GPR19: variants seen among roughly 807,000 people sequenced by gnomAD.
GPR19 encodes the protein probable G protein-coupled receptor 19.
Under a neutral mutation model 28.5 loss-of-function variants are expected in GPR19, and 14 were observed. That is an observed-to-expected ratio of 0.49 (90% confidence interval 0.32 to 0.77). The LOEUF is 0.77. Among genes scored for constraint, GPR19 ranks in the 30% least tolerant of loss-of-function variants. The pLI is 0.03. For synonymous variants in GPR19, 173 were observed against 184.1 expected, an observed-to-expected ratio of 0.94 and a Z score of 0.49; for missense variants, 409 against 504.1, an observed-to-expected ratio of 0.81 and a Z score of 1.81.
At chr12:12,698,398 C>G (rs562068043), upstream of GPR19, among the ~76,000 whole-genome samples, 1 of 152,276 alleles carries the variant, frequency 6.6e-6, no homozygotes, top group South Asian at 2.1e-4. Flanking sequence ...TGTGATTACT[C>G]TGATACTGTA....
upstream of GPR19, among the ~76,000 whole-genome samples, chr12:12,697,943 T>A (rs1946290369): frequency 6.6e-6 from 1 of 152,198 alleles, no homozygotes; most frequent in Non-Finnish European, 1.5e-5. Flanking sequence ...ACTGGCATTT[T>A]CATCATGAAG....
the GPR19 span, among the ~76,000 whole-genome samples, chr12:12,701,351 C>A: frequency 6.6e-6 from 1 of 152,094 alleles, no homozygotes; most frequent in African/African-American, 2.4e-5. Flanking sequence ...ATGAATGAAG[C>A]AATGTAATTT....
chr12:12,677,124 C>T (rs913131584), intron 3 of GPR19, among the ~76,000 whole-genome samples: 2 of 152,058 alleles, frequency 1.3e-5, no homozygotes, highest in East Asian at 3.8e-4. Context: ...ATCAACATTC[C>T]GGGTAAATTT....
chr12:12,661,970 C>A lies in GPR19; in HGVS notation c.479G>T (p.Cys160Phe). The A allele has an allele frequency of 6.2e-7, 1 of 1,613,782 alleles. No individual in the cohort carries two copies. The highest frequency in any genetic ancestry group is 8.5e-7 in the Non-Finnish European group (1 of 1,179,938). ...GACGATGGTGTAGAACCGGTCTATG[C>A]AGATGGAGAGGAGAACGTAGATCTG... Reference protein sequence around the residue: ...GVQIYVLLSICIDRFYTIVYP... With the variant: ...GVQIYVLLSIFIDRFYTIVYP... Residue 160 changes from cysteine to phenylalanine, a missense_variant, in exon 4 of 4, where the codon TGC becomes TTC. By Grantham distance (205) the Cys-to-Phe change is radical. Coordinates refer to ENST00000651487, the MANE Select transcript of GPR19 (RefSeq NM_006143.3). This position sits in a 1 kb window ranked among gnomAD's most constrained non-coding sequence, Gnocchi z 4.2.
At chr12:12,702,720 T>C in the GPR19 span, among the ~76,000 whole-genome samples, 6 of 152,230 alleles carry the variant, frequency 3.9e-5, no homozygotes, top group African/African-American at 1.4e-4. Flanking sequence ...CATAGTCACA[T>C]TTAAAGTCCT....
the GPR19 span, among the ~76,000 whole-genome samples, chr12:12,704,179 T>C: frequency 1.3e-5 from 2 of 152,212 alleles, no homozygotes; most frequent in Admixed American, 6.5e-5. Flanking sequence ...GTTGTAATAC[T>C]TAACTTGACT....
chr12:12,668,764 A>G (rs1945816814), intron 3 of GPR19, among the ~76,000 whole-genome samples: 1 of 152,132 alleles, frequency 6.6e-6, no homozygotes, highest in Non-Finnish European at 1.5e-5. Flanking sequence ...ACTAATGAGC[A>G]GTAAGATTAC....
chr12:12,713,546 T>A, the GPR19 span, among the ~76,000 whole-genome samples: 1 of 151,912 alleles, frequency 6.6e-6, no homozygotes, highest in African/African-American at 2.4e-5. Flanking sequence ...CTTTTTTGTG[T>A]GTGTGAGATG....
At chr12:12,713,486 T>C in the GPR19 span, among the ~76,000 whole-genome samples, 1 of 152,160 alleles carries the variant, frequency 6.6e-6, no homozygotes, top group African/African-American at 2.4e-5. Flanking sequence ...TTTCCCCAGA[T>C]AGCTGTATGG....
In GPR19 at chr12:12,660,948, T is replaced by C; in HGVS notation, c.*253A>G. 2 of 352,638 alleles carry C rather than the reference T, an allele frequency of 5.7e-6. No homozygotes were observed. Among genetic ancestry groups the C allele is most frequent in the Non-Finnish European group, 1.0e-5 (2 of 197,212 alleles). The allele number at this position is 352,638 out of a possible 1,614,324, so 21.8% of individuals were successfully genotyped here. On this transcript the variant is annotated 3_prime_UTR_variant, in exon 4 of 4. Transcript: ENST00000651487. ...AACAGTAAATAGTAAGAAAGCATTTTCTTTTTTATGCATGTAACTAATATA... is the reference window on the plus strand; with the variant it reads ...AACAGTAAATAGTAAGAAAGCATTTCCTTTTTTATGCATGTAACTAATATA...
At chr12:12,669,397 A>G (rs960149816) in intron 3 of GPR19, among the ~76,000 whole-genome samples, 1 of 152,240 alleles carries the variant, frequency 6.6e-6, no homozygotes, top group African/African-American at 2.4e-5. Flanking sequence ...GATCAATTGT[A>G]TTATCCCAAG....
chr12:12,694,591 G>A (rs965002635), intron 2 of GPR19, among the ~76,000 whole-genome samples: 1 of 152,092 alleles, frequency 6.6e-6, no homozygotes, highest in Admixed American at 6.5e-5. Context: ...TAGGTGGCAT[G>A]TACTTTACAC....
At chr12:12,705,487 T>G in the GPR19 span, among the ~76,000 whole-genome samples, 2 of 152,296 alleles carry the variant, frequency 1.3e-5, no homozygotes, top group African/African-American at 4.8e-5. Flanking sequence ...TATTTGCTAA[T>G]TCTCTTAGCA....
At chr12:12,686,903 T>A (rs1946105484) in intron 2 of GPR19, among the ~76,000 whole-genome samples, 1 of 152,250 alleles carries the variant, frequency 6.6e-6, no homozygotes, top group Non-Finnish European at 1.5e-5. Context: ...TAATGATATT[T>A]AAAATCATCT....
the GPR19 span, among the ~76,000 whole-genome samples, chr12:12,708,651 TTC>T: frequency 0.42 from 63,419 of 151,962 alleles, 13,450 homozygotes; most frequent in Non-Finnish European, 0.45. Context: ...GAACACTCAG[TTC>T]TCTATTTCAG....
At chr12:12,678,067 CTG>C (rs1945959141) in intron 3 of GPR19, among the ~76,000 whole-genome samples, 2 of 110,078 alleles carry the variant, frequency 1.8e-5, no homozygotes, top group African/African-American at 7.9e-5. Flanking sequence ...GAACGAGACT[CTG>C]TCTCAAAAAA....
the GPR19 span, among the ~76,000 whole-genome samples, chr12:12,704,557 G>T: frequency 1.8e-4 from 28 of 152,306 alleles, no homozygotes; most frequent in African/African-American, 5.8e-4. Context: ...TCAGATTATT[G>T]TGTGAGTAGT....
chr12:12,694,346 C>T (rs1211326792), intron 2 of GPR19, among the ~76,000 whole-genome samples: 1 of 150,780 alleles, frequency 6.6e-6, no homozygotes, highest in East Asian at 1.9e-4. Context: ...CTACAGGTGC[C>T]CACCACCACG....
intron 3 of GPR19, among the ~76,000 whole-genome samples, chr12:12,665,018 T>C (rs1017331561): frequency 1.3e-5 from 2 of 151,006 alleles, no homozygotes; most frequent in Non-Finnish European, 3.0e-5. Context: ...ACATATAAGA[T>C]TGAAATCATC....
Sources: gnomAD v4.1 joint callset for allele counts (sites outside exome capture counted in the v4.1 genomes callset) on GRCh38, gnomAD v4.1.1 for gene constraint, Gnocchi (gnomAD v3.1) non-coding constraint, MANE v1.5 for transcripts, NCBI Gene and HGNC (gene_info 2026-07-23, HGNC 2026-07-21) for gene names.